The following SUSD2 variants were observed in gnomAD, a reference collection of about 807,000 sequenced individuals.
The protein encoded by SUSD2 is sushi domain-containing protein 2.
A neutral mutation model predicts 93.8 loss-of-function variants in SUSD2; 86 were observed. The ratio of observed to expected loss-of-function variants is 0.92; its 90% CI spans 0.77 to 1.10. The LOEUF (loss-of-function observed/expected upper bound fraction) is 1.10. Ranked by LOEUF, SUSD2 falls within the 50% of genes least tolerant of loss-of-function variation. The pLI is 0.00. For synonymous variants in SUSD2, 483 were observed against 485.0 expected, an observed-to-expected ratio of 1.00 and a Z score of 0.05; for missense variants, 1,060 against 1,137.0, an observed-to-expected ratio of 0.93 and a Z score of 0.97.
At chr22:24,186,607 G>A (rs73879038) in intron 10 of SUSD2, 192 bp downstream of exon 10, 292 of 649,952 alleles carry the variant, frequency 4.5e-4, no homozygotes, top group African/African-American at 4.3e-3. Flanking sequence ...CCGAGAGGCC[G>A]TGACGGTGGG....
At position 24,188,232 on chromosome 22, in the gene SUSD2, C is replaced by A; in HGVS notation, c.2349C>A (p.Ser783Arg). Residue 783 changes from serine to arginine, a missense_variant, in exon 14 of 15, where the codon AGC becomes AGA. Ser to Arg is a moderately radical substitution (Grantham distance 110). Transcript: ENST00000358321. The surrounding 1 kb of genome is among the most constrained non-coding windows in gnomAD (Gnocchi z 4.7). ...SPTPKCQPGR[S>R]YAVLLGIIFG... ...CACTCGCTCCCTCACCAGGACGCAG[C>A]TACGCGGTGCTGTTGGGCATCATCT... 1 of 1,597,534 alleles carries A rather than the reference C, an allele frequency of 6.3e-7. No individual in the cohort carries two copies. Among genetic ancestry groups the A allele is most frequent in the Non-Finnish European group, 8.5e-7 (1 of 1,170,000 alleles).
At position 24,185,668 on chromosome 22, in the gene SUSD2, T is replaced by C. The variant is rs1248147949; in HGVS notation, c.1078T>C (p.Tyr360His). ...ACTCACTGGCTCCTGCAGCCTCCGGTACGGCTCAGGTCAGCAGTGCTGCTA... is the reference window on the plus strand; with the variant it reads ...ACTCACTGGCTCCTGCAGCCTCCGGCACGGCTCAGGTCAGCAGTGCTGCTA... Reference protein sequence around the residue: ...CVRSVQASLRYGSGQQCCYTA... With the variant: ...CVRSVQASLRHGSGQQCCYTA... Residue 360 changes from tyrosine (Y) to histidine (H), a missense_variant, in exon 8 of 15, where the codon TAC (tyrosine) becomes CAC (histidine). This residue lies in a region of SUSD2 where 973 missense variants were observed against 1,005.3 expected (regional missense o/e 0.97). Coordinates refer to ENST00000358321, the MANE Select transcript of SUSD2 (RefSeq NM_019601.4). 2 of 1,609,644 alleles carry C rather than the reference T, an allele frequency of 1.2e-6. No individual in the cohort carries two copies. The highest frequency in any genetic ancestry group is 1.7e-5 in the Admixed American group (1 of 59,878).
At chr22:24,183,364 C>A in intron 2 of SUSD2, 97 bp downstream of exon 2, 1 of 1,537,266 alleles carries the variant, frequency 6.5e-7, no homozygotes, top group Non-Finnish European at 8.9e-7. Flanking sequence ...TGGAGCCCCT[C>A]GGACCCAGGA....
chr22:24,185,141 T>G lies in SUSD2; in HGVS notation c.830T>G (p.Leu277Arg). Residue 277 changes from leucine (L) to arginine (R), a missense_variant, in exon 6 of 15, where the codon CTG becomes CGG. Coordinates refer to ENST00000358321, the MANE Select transcript of SUSD2 (RefSeq NM_019601.4). ...WTNDHALAWHLSDDFREDPVA... is the reference protein window; with the variant it reads ...WTNDHALAWHRSDDFREDPVA... ...AACGACCACGCACTGGCCTGGCACCTGAGCGATGACTTCCGAGAGGACCCT... is the reference window on the plus strand; with the variant it reads ...AACGACCACGCACTGGCCTGGCACCGGAGCGATGACTTCCGAGAGGACCCT... 1.2e-6 allele frequency: 2 copies of G among 1,612,736 alleles called. No homozygotes were observed. Among genetic ancestry groups the G allele is most frequent in the South Asian group, 2.2e-5 (2 of 91,074 alleles).
chr22:24,182,956 C>G, intron 1 of SUSD2, 101 bp from the exon 2 acceptor site: 1 of 973,828 alleles, frequency 1.0e-6, no homozygotes, highest in Non-Finnish European at 1.5e-6. Context: ...CCTGGGGATG[C>G]TGCTGTCTAA....
At chr22:24,185,612 G>A in intron 7 of SUSD2, 41 bp downstream of exon 7, 1 of 1,605,880 alleles carries the variant, frequency 6.2e-7, no homozygotes, top group Non-Finnish European at 8.5e-7. Context: ...ATTGGGGTCA[G>A]GGGTGGGCTC....
chr22:24,188,706 C>CCTA lies in SUSD2; in HGVS notation c.*271_*273dup. The CCTA allele has an allele frequency of 2.1e-6, 1 of 474,180 alleles. No individual in the cohort carries two copies. The allele number at this position is 474,180 out of a possible 1,614,324, so 29.4% of individuals were successfully genotyped here. A position where few individuals can be genotyped will look rare whatever the true frequency, so the allele number is the denominator to read the frequency against. Reference sequence around the variant, plus strand: ...AACTTCATACCCTGGGATTCTAATACCTATGTCCTGAGCCCTGACACTCCC... The same window carrying CCTA: ...AACTTCATACCCTGGGATTCTAATACCTACTATGTCCTGAGCCCTGACACTCCC... On this transcript the variant is annotated 3_prime_UTR_variant, in exon 15 of 15. Coordinates refer to ENST00000358321, the MANE Select transcript of SUSD2 (RefSeq NM_019601.4). This position sits in a 1 kb window ranked among gnomAD's most constrained non-coding sequence, Gnocchi z 4.7.
rs746552123 is a variant in SUSD2 at position 24,187,257 on chromosome 22, G to A, written c.1698G>A (p.Gly566=). ...GGGTCTCCATCATGCTGGCATCAGGGGCCGGCCTGGAGGTCAGCGTGCAGG... is the reference window on the plus strand; with the variant it reads ...GGGTCTCCATCATGCTGGCATCAGGAGCCGGCCTGGAGGTCAGCGTGCAGG... ...GDRVSIMLAS[G]AGLEVSVQGP... is the part of the protein sequence containing the mutation. The change falls in exon 11 of 15, where the codon GGG becomes GGA. Residue 566 remains glycine (G), a synonymous_variant. Transcript: ENST00000358321. 18 of 1,613,986 alleles carry A rather than the reference G, an allele frequency of 1.1e-5. No homozygotes were observed. The highest frequency in any genetic ancestry group is 1.5e-5 in the Non-Finnish European group (18 of 1,180,002).
At chr22:24,182,806 T>G in intron 1 of SUSD2, 1 of 514,758 alleles carries the variant, frequency 1.9e-6, no homozygotes, top group Non-Finnish European at 3.5e-6. Context: ...TGCAGCTTTT[T>G]GCCTCTTCTC....
rs190007502 is a variant in SUSD2, at chr22:24,189,046, A to C, written c.*610A>C. ...GCTTATAATTTCGAACTCTTCTGGA[A>C]GGTCACTCAGGAACACCCTCCCTGC... On this transcript the variant is annotated 3_prime_UTR_variant, in exon 15 of 15. Coordinates refer to ENST00000358321, the MANE Select transcript of SUSD2 (RefSeq NM_019601.4). 6.6e-6 allele frequency: 1 copy of C among 152,468 alleles called. No homozygotes were observed. The highest frequency in any genetic ancestry group is 2.4e-5 in the African/African-American group (1 of 41,554). 9.4% of individuals were successfully genotyped at this position (152,468 alleles called of 1,614,324 possible).
chr22:24,187,150 G>T, intron 10 of SUSD2, 52 bp from the exon 11 acceptor site: 1 of 1,579,700 alleles, frequency 6.3e-7, no homozygotes, highest in Non-Finnish European at 8.6e-7. Context: ...GGCTGCGGGA[G>T]GGGACAAGAT....
At position 24,184,950 on chromosome 22, in the gene SUSD2, C is replaced by A; in HGVS notation, c.782+10C>A. Reference sequence around the variant, plus strand: ...ATTACGCAGGGCAGAAGTAAGAAGGCATGGATGTGCAGGTGATGGCTGGAG... The same window carrying A: ...ATTACGCAGGGCAGAAGTAAGAAGGAATGGATGTGCAGGTGATGGCTGGAG... On this transcript the variant is annotated intron_variant, in intron 5 of 14. Coordinates refer to ENST00000358321, the MANE Select transcript of SUSD2 (RefSeq NM_019601.4). The A allele has an allele frequency of 6.2e-7, 1 of 1,613,214 alleles. No individual in the cohort carries two copies. Among genetic ancestry groups the A allele is most frequent in the South Asian group, 1.1e-5 (1 of 91,016 alleles).
At position 24,185,272 on chromosome 22, in the gene SUSD2, CG is replaced by C; in HGVS notation, c.964del (p.Ala322LeufsTer55). 1 of 1,605,216 alleles carries C rather than the reference CG, an allele frequency of 6.2e-7. No homozygotes were observed. The highest frequency in any genetic ancestry group is 8.5e-7 in the Non-Finnish European group (1 of 1,179,844). Reference sequence around the variant, plus strand: ...CTGCCCCTGCACCCTGACCCAGGCCCGGGCTGACTCCGGCCGCTTCTTCGTG... The same window carrying C: ...CTGCCCCTGCACCCTGACCCAGGCCCGGCTGACTCCGGCCGCTTCTTCGTG... ...PDCPCTLTQARADSGRFFTDY... is the reference protein window; with the variant it reads ...PDCPCTLTQAXADSGRFFTDY... On this transcript the variant is annotated frameshift_variant, in exon 6 of 15. Transcript: ENST00000358321. LOFTEE classifies it high-confidence loss of function.
In SUSD2 at chr22:24,186,268, C is replaced by G; in HGVS notation, c.1495C>G (p.Arg499Gly). Residue 499 changes from arginine to glycine, a missense_variant, in exon 10 of 15, where the codon CGT (arginine) becomes GGT (glycine). By Grantham distance (125) the Arg-to-Gly change is moderately radical. This residue lies in a region of SUSD2 where 973 missense variants were observed against 1,005.3 expected (regional missense o/e 0.97). Transcript: ENST00000358321. ...PGTMSNGTET[R>G]GTGLTAVAVQ... ...TCCCACCACCGCAGGCACGGAGACC[C>G]GTGGCACTGGGCTGACCGCAGTGGC... 1 of 1,613,430 alleles carries G rather than the reference C, an allele frequency of 6.2e-7. No individual in the cohort carries two copies. The highest frequency in any genetic ancestry group is 8.5e-7 in the Non-Finnish European group (1 of 1,179,952).
rs1341903178 is a variant in SUSD2, at chr22:24,185,840, A to G, written c.1250A>G (p.Tyr417Cys). 10 of 1,606,656 alleles carry G rather than the reference A, an allele frequency of 6.2e-6. No homozygotes were observed. Among genetic ancestry groups the G allele is most frequent in the Non-Finnish European group, 8.5e-6 (10 of 1,176,722 alleles). The change falls in exon 8 of 15, where the codon TAT becomes TGT. Residue 417 changes from tyrosine to cysteine, a missense_variant. This residue lies in a region of SUSD2 where 973 missense variants were observed against 1,005.3 expected (regional missense o/e 0.97). Transcript: ENST00000358321. ...TGGCTCTACGATGTCCTCAGCTTCT[A>G]TTACTGCTGCCTCTGGGCACCCGAC... ...SHWLYDVLSF[Y>C]YCCLWAPDCP...
intron 2 of SUSD2, 32 bp from the exon 3 acceptor site, chr22:24,183,463 C>T (rs1463166332): frequency 1.9e-6 from 3 of 1,597,516 alleles, no homozygotes; most frequent in Non-Finnish European, 1.7e-6. Context: ...CCTGCAATGA[C>T]CCAGCCCCTC....
chr22:24,185,988 C>T lies in SUSD2; in HGVS notation c.1340-28C>T. ...AGATCGGGCTGGGCTGGGGTGCACC[C>T]CCACGTGACCCTCCACTCTCACCCT... is the stretch of plus-strand genomic sequence containing the variant. On this transcript the variant is annotated intron_variant, in intron 8 of 14. Coordinates refer to ENST00000358321, the MANE Select transcript of SUSD2 (RefSeq NM_019601.4). 1.9e-6 allele frequency: 3 copies of T among 1,587,952 alleles called. 1 individual carries two copies. In the South Asian group the frequency reaches 3.4e-5, roughly 18 times the overall value.
At position 24,184,800 on chromosome 22, in the gene SUSD2, G is replaced by A; in HGVS notation, c.642G>A (p.Trp214Ter). The change falls in exon 5 of 15, where the codon TGG becomes TGA. Residue 214 changes from tryptophan (W) to a stop codon, truncating the protein, a stop_gained. Transcript: ENST00000358321. LOFTEE classifies it high-confidence loss of function. ...MPYSQEWTAK[W>*]SYLYPLATHI... ...ACTCACAGGAGTGGACTGCAAAGTG[G>A]TCGTACCTGTACCCCCTGGCCACAC... 1.2e-6 allele frequency: 2 copies of A among 1,610,554 alleles called. No homozygotes were observed. Among genetic ancestry groups the A allele is most frequent in the Non-Finnish European group, 8.5e-7 (1 of 1,178,406 alleles).
Position 24,183,258 on chromosome 22 carries a change from T to G in SUSD2, c.278T>G (p.Val93Gly). The change falls in exon 2 of 15, where the codon GTG becomes GGG. Residue 93 changes from valine (V) to glycine (G), a missense_variant. This residue lies in a region of SUSD2 where 87 missense variants were observed against 131.6 expected (regional missense o/e 0.66). Coordinates refer to ENST00000358321, the MANE Select transcript of SUSD2 (RefSeq NM_019601.4). Reference sequence around the variant, plus strand: ...ATGTCCAGCCCCACAGACGCCAGTGTGATCTGCAGGTTGGGAGGCCCAGGA... The same window carrying G: ...ATGTCCAGCCCCACAGACGCCAGTGGGATCTGCAGGTTGGGAGGCCCAGGA... The part of the protein sequence containing the change: ...FKMSSPTDAS[V>G]ICRFKDSIQT... 1 of 1,612,314 alleles carries G rather than the reference T, an allele frequency of 6.2e-7. No homozygotes were observed. Among genetic ancestry groups the G allele is most frequent in the Non-Finnish European group, 8.5e-7 (1 of 1,179,166 alleles).
Sources: allele counts gnomAD v4.1 joint callset, GRCh38; gene constraint gnomAD v4.1.1; regional missense constraint gnomAD v4.1.1; non-coding constraint Gnocchi (gnomAD v3.1); transcripts MANE v1.5; gene names NCBI Gene and HGNC (gene_info 2026-07-23, HGNC 2026-07-21).